SAMM50: variants seen among roughly 807,000 people sequenced by gnomAD.
The protein encoded by SAMM50 is sorting and assembly machinery component 50 homolog.
In SAMM50, 47 loss-of-function variants were observed where a neutral mutation model predicts 66.9. The ratio of observed to expected loss-of-function variants is 0.70; its 90% confidence interval spans 0.56 to 0.90. SAMM50 has a LOEUF of 0.90. SAMM50 is among the 40% of genes least tolerant of loss of function. The probability of loss-of-function intolerance (pLI) is 0.00; values close to 1 mark genes in which losing one functional copy is unlikely to be tolerated. For missense variants in SAMM50, 535 were observed against 595.3 expected, an observed-to-expected ratio of 0.90 and a Z score of 1.05; for synonymous variants, 191 against 214.1, an observed-to-expected ratio of 0.89 and a Z score of 0.94.
intron 14 of SAMM50, among the ~76,000 whole-genome samples, chr22:43,993,458 G>A (rs879547557): frequency 6.6e-6 from 1 of 152,192 alleles, no homozygotes; most frequent in Non-Finnish European, 1.5e-5. Flanking sequence ...CTTTACTTCC[G>A]TCTCTTCAGG....
intron 10 of SAMM50, among the ~76,000 whole-genome samples, chr22:43,979,657 T>G (rs2050252405): frequency 6.6e-6 from 1 of 151,734 alleles, no homozygotes; most frequent in South Asian, 2.1e-4. Context: ...GCCTTCCCCT[T>G]CCCCTTCTCC....
At chr22:43,961,332 G>T (rs114595459) in intron 1 of SAMM50, among the ~76,000 whole-genome samples, 1 of 152,168 alleles carries the variant, frequency 6.6e-6, no homozygotes, top group Non-Finnish European at 1.5e-5. Context: ...GGGAATCCTC[G>T]TGTGGTTAAG....
At chr22:43,985,383 G>A (rs1327231577) in intron 12 of SAMM50, among the ~76,000 whole-genome samples, 1 of 151,932 alleles carries the variant, frequency 6.6e-6, no homozygotes, top group Non-Finnish European at 1.5e-5. Flanking sequence ...CACTGGAAAC[G>A]ACAGGTCTTT....
chr22:43,986,086 A>T (rs1489798752), intron 12 of SAMM50, among the ~76,000 whole-genome samples: 5 of 132,670 alleles, frequency 3.8e-5, no homozygotes, highest in South Asian at 2.3e-4. Flanking sequence ...TCTGTTGCCC[A>T]GACTGGAGTG....
intron 6 of SAMM50, 87 bp from the exon 7 acceptor site, chr22:43,973,148 CG>C: frequency 7.6e-7 from 1 of 1,314,268 alleles, no homozygotes; most frequent in Non-Finnish European, 1.1e-6. Flanking sequence ...ATGAGCCCTA[CG>C]GGCGTAGTGT....
chr22:43,976,306 G>A (rs2050231670), intron 8 of SAMM50, 123 bp downstream of exon 8: 1 of 1,188,690 alleles, frequency 8.4e-7, no homozygotes, highest in Non-Finnish European at 1.2e-6. Flanking sequence ...GGTGTCCACA[G>A]TGGCGGCCCC....
At chr22:43,959,431 C>T (rs2050137081) in intron 1 of SAMM50, among the ~76,000 whole-genome samples, 1 of 151,980 alleles carries the variant, frequency 6.6e-6, no homozygotes, top group Admixed American at 6.6e-5. Flanking sequence ...TCAATACACA[C>T]TTATTGACTG....
At position 43,996,223 on chromosome 22, in the gene SAMM50, G is replaced by A. The variant is rs77415360; in HGVS notation, c.1365-115G>A. The A allele has an allele frequency of 7.0e-3, 7,907 of 1,129,062 alleles. 33 individuals carry two copies. The highest frequency in any genetic ancestry group is 0.014 in the South Asian group (1,097 of 79,838). 69.9% of individuals were successfully genotyped at this position (1,129,062 alleles called of 1,614,324 possible). On this transcript the variant is annotated intron_variant, in intron 14 of 14. Transcript: ENST00000350028. ...AGGCCGGCAGCCAGGCAGGAAGGCA[G>A]CAGGAGGAGGAGGAAGCGGAGGCGG... is the stretch of plus-strand genomic sequence containing the variant.
chr22:43,971,001 C>G (rs1042525509), intron 4 of SAMM50, among the ~76,000 whole-genome samples: 105 of 152,200 alleles, frequency 6.9e-4, no homozygotes, highest in African/African-American at 2.4e-3. Context: ...CCCGTCTCTA[C>G]TAAAAATACA....
intron 1 of SAMM50, chr22:43,957,039 C>CTG: frequency 1.1e-6 from 1 of 916,938 alleles, no homozygotes; most frequent in South Asian, 1.3e-5. Flanking sequence ...GTCTGGAAGG[C>CTG]TGTGGTCCAA....
chr22:43,971,945 C>T (rs1485332548), intron 4 of SAMM50, among the ~76,000 whole-genome samples: 1 of 152,152 alleles, frequency 6.6e-6, no homozygotes, highest in African/African-American at 2.4e-5. Context: ...GTGATCCTCC[C>T]ACCTTGTCCT....
At position 43,976,038 on chromosome 22, in the gene SAMM50, T is replaced by C; in HGVS notation, c.649-17T>C. 2 of 1,601,308 alleles carry C rather than the reference T, an allele frequency of 1.2e-6. No individual in the cohort carries two copies. The highest frequency in any genetic ancestry group is 1.7e-6 in the Non-Finnish European group (2 of 1,169,322). ...AGTATGTGTGGTCCGGAAAGATGTC[T>C]GATCTCCATGTTGCAGTTTCCCATA... On this transcript the variant is annotated splice_polypyrimidine_tract_variant and intron_variant, in intron 7 of 14. Coordinates refer to ENST00000350028, the MANE Select transcript of SAMM50 (RefSeq NM_015380.5).
chr22:43,966,852 A>G (rs1190679762), intron 3 of SAMM50, among the ~76,000 whole-genome samples: 1 of 151,538 alleles, frequency 6.6e-6, no homozygotes, highest in Non-Finnish European at 1.5e-5. Context: ...TCTCTTGTGA[A>G]TTAACTTGGT....
intron 13 of SAMM50, among the ~76,000 whole-genome samples, chr22:43,989,491 C>T (rs2050311705): frequency 6.6e-6 from 1 of 152,156 alleles, no homozygotes; most frequent in Non-Finnish European, 1.5e-5. Context: ...CGCGTGCCAT[C>T]ACGCCCGGCT....
At chr22:43,961,576 A>C (rs2050147358) in intron 1 of SAMM50, among the ~76,000 whole-genome samples, 1 of 152,024 alleles carries the variant, frequency 6.6e-6, no homozygotes, top group Admixed American at 6.6e-5. Context: ...TACCCTTCCA[A>C]GTAGTTGGGA....
At chr22:43,991,710 G>A (rs1450196734) in intron 14 of SAMM50, among the ~76,000 whole-genome samples, 1 of 152,238 alleles carries the variant, frequency 6.6e-6, no homozygotes, top group African/African-American at 2.4e-5. Flanking sequence ...TCTGGAGGTT[G>A]GAAAGTCCAA....
rs1283572436 is a variant in SAMM50 at position 43,968,726 on chromosome 22, T to C, written c.235-5T>C. Reference sequence around the variant, plus strand: ...ATTCCTTGTTTTTCTTCCCCCATTTTATAGGTAATGCGGAAATCTCATGAA... The same window carrying C: ...ATTCCTTGTTTTTCTTCCCCCATTTCATAGGTAATGCGGAAATCTCATGAA... On this transcript the variant is annotated splice_polypyrimidine_tract_variant and splice_region_variant and intron_variant, in intron 3 of 14. Coordinates refer to ENST00000350028, the MANE Select transcript of SAMM50 (RefSeq NM_015380.5). 6.3e-7 allele frequency: 1 copy of C among 1,599,346 alleles called. No individual in the cohort carries two copies. The highest frequency in any genetic ancestry group is 1.1e-5 in the South Asian group (1 of 90,770).
chr22:43,980,085 C>T (rs537240533), intron 10 of SAMM50, among the ~76,000 whole-genome samples: 4 of 147,512 alleles, frequency 2.7e-5, no homozygotes, highest in African/African-American at 7.5e-5. Flanking sequence ...TCCATCCGTC[C>T]GTCCATCCAT....
chr22:43,973,226 T>C lies in SAMM50; in HGVS notation c.561-10T>C, dbSNP rs754566377. 3 of 1,547,232 alleles carry C rather than the reference T, an allele frequency of 1.9e-6. No homozygotes were observed. Among genetic ancestry groups the C allele is most frequent in the Non-Finnish European group, 1.8e-6 (2 of 1,119,448 alleles). On this transcript the variant is annotated splice_polypyrimidine_tract_variant and intron_variant, in intron 6 of 14. Coordinates refer to ENST00000350028, the MANE Select transcript of SAMM50 (RefSeq NM_015380.5). Reference sequence around the variant, plus strand: ...TTCAGCTTTTAAAGCTCTATCCCATTGTCTCCTAGTTTCTCTGTAAACTTA... The same window carrying C: ...TTCAGCTTTTAAAGCTCTATCCCATCGTCTCCTAGTTTCTCTGTAAACTTA...
Sources: allele counts gnomAD v4.1 joint callset (sites outside exome capture counted in the v4.1 genomes callset), GRCh38; gene constraint gnomAD v4.1.1; transcripts MANE v1.5; gene names NCBI Gene and HGNC (gene_info 2026-07-23, HGNC 2026-07-21).